Variants in RETREG1 observed in about 807,000 individuals in gnomAD.
The protein encoded by RETREG1 is family with sequence similarity 134 member B.
RETREG1 carries 44 observed loss-of-function variants against 54.8 expected under a neutral mutation model. The observed-to-expected ratio is 0.80, with a 90% CI of 0.63 to 1.03. RETREG1 has a LOEUF of 1.03. Ranked by LOEUF, RETREG1 falls within the 50% of genes least tolerant of loss-of-function variation. RETREG1 has a pLI of 0.00. For missense variants in RETREG1, 554 were observed against 605.1 expected (o/e 0.92, Z 0.89); for synonymous variants, 217 against 238.5 (o/e 0.91, Z 0.83).
chr5:16,498,957 TAA>T (rs1739585394), intron 3 of RETREG1, among the ~76,000 whole-genome samples: 2 of 152,210 alleles, frequency 1.3e-5, no homozygotes, highest in South Asian at 4.1e-4. Flanking sequence ...TCCATTTTTT[TAA>T]AGTTTTTGAC....
chr5:16,498,246 G>A (rs879269978), intron 3 of RETREG1, among the ~76,000 whole-genome samples: 12 of 152,308 alleles, frequency 7.9e-5, no homozygotes, highest in Middle Eastern at 6.8e-3. Context: ...ACACAAACCT[G>A]GATGGGATAG....
chr5:16,575,864 C>T (rs1742304123), intron 1 of RETREG1, among the ~76,000 whole-genome samples: 1 of 152,184 alleles, frequency 6.6e-6, no homozygotes, highest in African/African-American at 2.4e-5. Flanking sequence ...TTAGAAAAAT[C>T]TGAGCACTTT....
intron 1 of RETREG1, among the ~76,000 whole-genome samples, chr5:16,582,768 A>G (rs1742525577): frequency 6.6e-6 from 1 of 152,170 alleles, no homozygotes; most frequent in Non-Finnish European, 1.5e-5. Context: ...TTTGACGAAT[A>G]TCAAAATTAG....
intron 3 of RETREG1, among the ~76,000 whole-genome samples, chr5:16,505,480 C>A (rs1739914842): frequency 6.6e-6 from 1 of 152,224 alleles, no homozygotes; most frequent in Non-Finnish European, 1.5e-5. Context: ...ATCACCCTAG[C>A]TCCTGGCACC....
chr5:16,486,980 T>G (rs1214529471), intron 3 of RETREG1, among the ~76,000 whole-genome samples: 1 of 152,152 alleles, frequency 6.6e-6, no homozygotes, highest in African/African-American at 2.4e-5. Context: ...AGAGCCTTAT[T>G]TGGAAAACAC....
intron 3 of RETREG1, among the ~76,000 whole-genome samples, chr5:16,510,818 CAAAAAAAA>C (rs57713373): frequency 2.6e-5 from 2 of 75,714 alleles, no homozygotes; most frequent in African/African-American, 1.1e-4. Flanking sequence ...ACAACAACAA[CAAAAAAAA>C]AAAAAAAAAA....
rs750191157 is a variant in RETREG1 at position 16,478,971 on chromosome 5, C to CAAA, written c.684_686dup (p.Phe228dup). On this transcript the variant is annotated inframe_insertion, in exon 6 of 9. Coordinates refer to ENST00000306320, the MANE Select transcript of RETREG1 (RefSeq NM_001034850.3). ...TATCATTACATTTAAACAATGGACA[C>CAAA]AAAAATGCACACAGTACTGAAAGAA... The CAAA allele has an allele frequency of 4.0e-5, 65 of 1,611,690 alleles. 1 individual carries two copies. The highest frequency in any genetic ancestry group is 3.3e-4 in the South Asian group (30 of 91,024).
At chr5:16,601,732 C>A (rs1743060252) in intron 1 of RETREG1, among the ~76,000 whole-genome samples, 1 of 151,950 alleles carries the variant, frequency 6.6e-6, no homozygotes, top group South Asian at 2.1e-4. Context: ...GAAAATTTTC[C>A]AAAACTGAAA....
chr5:16,586,930 C>T (rs1295554212), intron 1 of RETREG1, among the ~76,000 whole-genome samples: 2 of 152,202 alleles, frequency 1.3e-5, no homozygotes, highest in Non-Finnish European at 1.5e-5. Flanking sequence ...ATTGTGTTCT[C>T]ACGTGGTAGA....
chr5:16,506,314 C>T (rs1739952458), intron 3 of RETREG1, among the ~76,000 whole-genome samples: 2 of 152,166 alleles, frequency 1.3e-5, no homozygotes, highest in Non-Finnish European at 2.9e-5. Context: ...TCAACTAGAA[C>T]CTGCTGCAAT....
intron 3 of RETREG1, among the ~76,000 whole-genome samples, chr5:16,534,387 GGT>G (rs1467350905): frequency 6.6e-6 from 1 of 152,210 alleles, no homozygotes; most frequent in Non-Finnish European, 1.5e-5. Flanking sequence ...TGAGATGCAA[GGT>G]ACCCATCCCA....
chr5:16,577,054 C>G (rs1469700015), intron 1 of RETREG1, among the ~76,000 whole-genome samples: 1 of 152,050 alleles, frequency 6.6e-6, no homozygotes, highest in East Asian at 1.9e-4. Context: ...CACACACACA[C>G]ACACAGACTG....
chr5:16,496,774 G>A (rs1274598016), intron 3 of RETREG1, among the ~76,000 whole-genome samples: 1 of 152,188 alleles, frequency 6.6e-6, no homozygotes, highest in East Asian at 1.9e-4. Flanking sequence ...AAACACAACT[G>A]ACTCAGCAAG....
intron 1 of RETREG1, among the ~76,000 whole-genome samples, chr5:16,582,717 C>T (rs971045488): frequency 7.2e-5 from 11 of 151,838 alleles, no homozygotes; most frequent in African/African-American, 2.4e-4. Flanking sequence ...TCAGAACACA[C>T]CATGATTTTA....
At chr5:16,508,379 T>A (rs1291394666) in intron 3 of RETREG1, among the ~76,000 whole-genome samples, 1 of 152,210 alleles carries the variant, frequency 6.6e-6, no homozygotes, top group African/African-American at 2.4e-5. Flanking sequence ...GGCATAAGTT[T>A]TTAAGAGGAC....
At chr5:16,584,983 T>C (rs542558103) in intron 1 of RETREG1, among the ~76,000 whole-genome samples, 5 of 151,680 alleles carry the variant, frequency 3.3e-5, no homozygotes, top group East Asian at 1.9e-4. Context: ...CTTTTTTTTT[T>C]CCCTAGGGAA....
In RETREG1 at chr5:16,596,393, G is replaced by A. The variant is rs569222328; in HGVS notation, c.320+20259C>T. Among the ~76,000 whole-genome samples the A allele has an allele frequency of 6.6e-5, 10 of 152,286 alleles. No individual in the cohort carries two copies. In the East Asian group the frequency reaches 1.9e-3, roughly 29 times the overall value. Reference sequence around the variant, plus strand: ...ATTTCTTTCCCTGCTACGCAGACTGGCAAAACACATGCAAAAGCTGCCAGA... The same window carrying A: ...ATTTCTTTCCCTGCTACGCAGACTGACAAAACACATGCAAAAGCTGCCAGA... On this transcript the variant is annotated intron_variant, in intron 1 of 8. Transcript: ENST00000306320.
rs149705150 is a variant in RETREG1, at chr5:16,606,107, G to T, written c.320+10545C>A. On this transcript the variant is annotated intron_variant, in intron 1 of 8. Transcript: ENST00000306320. ...CACTGAGCCACAATACTGCAGCGAG[G>T]AGGTGGTGCCATGGAGACAGGAAGA... 2.1e-3 allele frequency among the ~76,000 whole-genome samples: 313 copies of T among 152,276 alleles called. 3 individuals are homozygous for T. Among genetic ancestry groups the T allele is most frequent in the African/African-American group, 6.8e-3 (283 of 41,544 alleles).
intron 3 of RETREG1, among the ~76,000 whole-genome samples, chr5:16,491,969 G>C (rs1297374121): frequency 6.6e-6 from 1 of 152,184 alleles, no homozygotes; most frequent in Admixed American, 6.5e-5. Flanking sequence ...CAAAACTTGA[G>C]CCTTAATGTG....
Sources: allele counts gnomAD v4.1 joint callset (sites outside exome capture counted in the v4.1 genomes callset), GRCh38; gene constraint gnomAD v4.1.1; transcripts MANE v1.5; gene names NCBI Gene and HGNC (gene_info 2026-07-23, HGNC 2026-07-21).